KDM4B: variants seen among roughly 807,000 people sequenced by gnomAD.
The protein encoded by KDM4B is lysine-specific demethylase 4B.
Under a neutral mutation model 125.2 loss-of-function variants are expected in KDM4B, and 32 were observed. The observed-to-expected ratio is 0.26, with a 90% confidence interval of 0.19 to 0.34. KDM4B has a LOEUF of 0.34. Ranked by LOEUF, KDM4B falls within the 10% of genes least tolerant of loss-of-function variation. KDM4B has a pLI of 1.00. For synonymous variants in KDM4B, 721 were observed against 677.9 expected (o/e 1.06, Z -0.99); for missense variants, 1,190 against 1,577.7 (o/e 0.75, Z 4.16).
chr19:5,072,155 G>A (rs183712392), intron 7 of KDM4B, among the ~76,000 whole-genome samples: 59 of 152,234 alleles, frequency 3.9e-4, no homozygotes, highest in African/African-American at 1.2e-3. Flanking sequence ...CCAAACCTTC[G>A]AGCCAAAGGA....
intron 6 of KDM4B, among the ~76,000 whole-genome samples, chr19:5,070,164 C>T (rs2037900989): frequency 6.6e-6 from 1 of 152,212 alleles, no homozygotes; most frequent in African/African-American, 2.4e-5. Context: ...CCTCAAGTCC[C>T]TGAGGCCCTG....
At chr19:5,131,659 G>GA in intron 12 of KDM4B, 114 bp downstream of exon 12, 1 of 644,718 alleles carries the variant, frequency 1.6e-6, no homozygotes, top group Non-Finnish European at 2.7e-6. Flanking sequence ...AGGGAGGAGG[G>GA]GACAGGAGGG....
At chr19:5,088,400 C>A (rs1438871177) in intron 9 of KDM4B, among the ~76,000 whole-genome samples, 1 of 152,188 alleles carries the variant, frequency 6.6e-6, no homozygotes, top group African/African-American at 2.4e-5. Flanking sequence ...CCACGCAGGC[C>A]ATATCACTCG....
Position 5,046,608 on chromosome 19 carries a change from A to G in KDM4B, c.433-868A>G, listed in dbSNP as rs1343477940. Among the ~76,000 whole-genome samples the G allele has an allele frequency of 2.6e-5, 4 of 152,096 alleles. No homozygotes were observed. The East Asian group carries it at 5.8e-4, about 22-fold the overall frequency. On this transcript the variant is annotated intron_variant, in intron 5 of 22. Coordinates refer to ENST00000159111, the MANE Select transcript of KDM4B (RefSeq NM_015015.3). The stretch of plus-strand genomic sequence containing the variant: ...CCGGGGACTGCAGTGACTAATGTGT[A>G]TTTTATGAGCTCTTGGGACAGGACG...
intron 1 of KDM4B, among the ~76,000 whole-genome samples, chr19:5,011,544 G>T (rs1453320204): frequency 6.6e-6 from 1 of 152,222 alleles, no homozygotes; most frequent in East Asian, 1.9e-4. Context: ...GCAGGAGATG[G>T]CATGTCCCTT....
rs368606359 is a variant in KDM4B at position 5,137,643 on chromosome 19, G to A, written c.2408G>A (p.Arg803Gln). Residue 803 changes from arginine to glutamine, a missense_variant, in exon 17 of 23, where the codon CGA becomes CAA. Coordinates refer to ENST00000159111, the MANE Select transcript of KDM4B (RefSeq NM_015015.3). ...WTAECCLCNLRGGALQMTTDR... is the reference protein window; with the variant it reads ...WTAECCLCNLQGGALQMTTDR... ...CAGGAGTGCTGCCTGTGCAACCTGC[G>A]AGGAGGTGCGCTGCAGATGACCACC... 5 of 1,602,208 alleles carry A rather than the reference G, an allele frequency of 3.1e-6. No homozygotes were observed. The South Asian group carries it at 3.3e-5, about 11-fold the overall frequency.
At chr19:5,071,771 C>T in intron 7 of KDM4B, among the ~76,000 whole-genome samples, 1 of 152,144 alleles carries the variant, frequency 6.6e-6, no homozygotes, top group Non-Finnish European at 1.5e-5. Context: ...TGGGCAGGGT[C>T]CCCATGTCAG....
intron 18 of KDM4B, chr19:5,140,758 A>G (rs1357222689): frequency 2.0e-5 from 3 of 151,828 alleles, no homozygotes; most frequent in African/African-American, 7.3e-5. Context: ...TGAGGAGAGC[A>G]AAATGCAGAT....
In KDM4B at chr19:5,137,845, ACCTT is replaced by A. The variant is rs2039676739; in HGVS notation, c.2442-113_2442-110del. 4 of 1,065,480 alleles carry A rather than the reference ACCTT, an allele frequency of 3.8e-6. No individual in the cohort carries two copies. The East Asian group carries it at 1.0e-4, about 28-fold the overall frequency. The allele number at this position is 1,065,480 out of a possible 1,614,324, so 66.0% of individuals were successfully genotyped here. A position where few individuals can be genotyped will look rare whatever the true frequency, so the allele number is the denominator to read the frequency against. ...TGAGGAGGAGCATACGCCTGCACCG[ACCTT>A]CCTGAAGTTCCCCAGGCCCTGACCC... On this transcript the variant is annotated intron_variant, in intron 17 of 22. Coordinates refer to ENST00000159111, the MANE Select transcript of KDM4B (RefSeq NM_015015.3).
intron 10 of KDM4B, chr19:5,111,294 G>C (rs1229662557): frequency 1.4e-6 from 1 of 712,000 alleles, no homozygotes; most frequent in East Asian, 2.5e-5. Flanking sequence ...ATCAGGTGGG[G>C]CTGCTTGGAT....
chr19:4,996,168 T>G (rs1363206275), intron 1 of KDM4B, among the ~76,000 whole-genome samples: 1 of 152,096 alleles, frequency 6.6e-6, no homozygotes, highest in African/African-American at 2.4e-5. Flanking sequence ...TTTTGTATTT[T>G]TGGTAGAGAT....
chr19:5,082,232 G>A lies in KDM4B; in HGVS notation c.781-135G>A, dbSNP rs953327809. Reference sequence around the variant, plus strand: ...GAGCCCTGGAGCCCCTGGAGCCGCTGGATCACCTTTGACTTTGTGAAACCC... The same window carrying A: ...GAGCCCTGGAGCCCCTGGAGCCGCTAGATCACCTTTGACTTTGTGAAACCC... On this transcript the variant is annotated intron_variant, in intron 8 of 22. Coordinates refer to ENST00000159111, the MANE Select transcript of KDM4B (RefSeq NM_015015.3). This position sits in a 1 kb window ranked among gnomAD's most constrained non-coding sequence, Gnocchi z 5.4. 27 of 1,017,212 alleles carry A rather than the reference G, an allele frequency of 2.7e-5. No individual in the cohort carries two copies. The highest frequency in any genetic ancestry group is 3.4e-5 in the Non-Finnish European group (24 of 708,284). The allele number at this position is 1,017,212 out of a possible 1,614,324, so 63.0% of individuals were successfully genotyped here.
intron 11 of KDM4B, among the ~76,000 whole-genome samples, chr19:5,126,878 A>C (rs2039459212): frequency 6.6e-6 from 1 of 152,248 alleles, no homozygotes; most frequent in Non-Finnish European, 1.5e-5. Flanking sequence ...CCCATAAGCC[A>C]GGCCGAAGCT....
At chr19:5,073,905 C>T (rs989898152) in intron 7 of KDM4B, among the ~76,000 whole-genome samples, 4 of 152,158 alleles carry the variant, frequency 2.6e-5, no homozygotes, top group Non-Finnish European at 5.9e-5. Flanking sequence ...TTGCTTGAGC[C>T]CAGGAGTTCA....
chr19:5,002,422 C>A (rs4995815), intron 1 of KDM4B, among the ~76,000 whole-genome samples: 4 of 128,548 alleles, frequency 3.1e-5, no homozygotes, highest in Admixed American at 7.7e-5. Context: ...CTTTCTCTCT[C>A]CTTTCTCTCT....
At chr19:4,995,108 C>T (rs2035157647) in intron 1 of KDM4B, among the ~76,000 whole-genome samples, 1 of 152,132 alleles carries the variant, frequency 6.6e-6, no homozygotes, top group Non-Finnish European at 1.5e-5. Flanking sequence ...CATCAAAGCC[C>T]TCTTAGGACC....
rs745881496 is a variant in KDM4B at position 5,040,023 on chromosome 19, G to A, written c.317+12G>A. The A allele has an allele frequency of 1.1e-5, 17 of 1,604,412 alleles. No homozygotes were observed. Among genetic ancestry groups the A allele is most frequent in the East Asian group, 4.5e-5 (2 of 44,636 alleles). On this transcript the variant is annotated intron_variant, in intron 4 of 22. Coordinates refer to ENST00000159111, the MANE Select transcript of KDM4B (RefSeq NM_015015.3). Reference sequence around the variant, plus strand: ...GCCAACAGCGAGAAGTACGCGGGGCGGGCAGGGCGGACCTGACCCCCGCCC... The same window carrying A: ...GCCAACAGCGAGAAGTACGCGGGGCAGGCAGGGCGGACCTGACCCCCGCCC...
At position 5,151,350 on chromosome 19, in the gene KDM4B, G is replaced by C. The variant is rs774352183; in HGVS notation, c.3130G>C (p.Ala1044Pro). ...TCTCCCGCAGTCACTGAGCACGGGG[G>C]CACCGCAGGAGCCCGCCTTCTCGGG... ...VRSRLSLSTG[A>P]PQEPAFSGEE... is the part of the protein sequence containing the mutation. Residue 1044 changes from alanine (A) to proline (P), a missense_variant, in exon 23 of 23, where the codon GCA becomes CCA. Physicochemically the swap from Ala to Pro is conservative, Grantham distance 27. Around this residue, in one of 7 missense-constraint regions of KDM4B, gnomAD observed 109 missense variants for 93.8 expected, o/e 1.16. Coordinates refer to ENST00000159111, the MANE Select transcript of KDM4B (RefSeq NM_015015.3). The C allele has an allele frequency of 2.6e-6, 4 of 1,566,222 alleles. No homozygotes were observed. In the Middle Eastern group the frequency reaches 5.9e-4, roughly 230 times the overall value.
At chr19:5,147,231 T>C (rs780188435) in intron 21 of KDM4B, among the ~76,000 whole-genome samples, 2 of 152,070 alleles carry the variant, frequency 1.3e-5, no homozygotes, top group African/African-American at 2.4e-5. Context: ...AATAGATAAA[T>C]AGCCATTTAT....
Sources: gnomAD v4.1 joint callset for allele counts (sites outside exome capture counted in the v4.1 genomes callset) on GRCh38, gnomAD v4.1.1 for gene constraint, gnomAD v4.1.1 regional missense constraint, Gnocchi (gnomAD v3.1) non-coding constraint, MANE v1.5 for transcripts, NCBI Gene and HGNC (gene_info 2026-07-23, HGNC 2026-07-21) for gene names.